The following LPIN2 variants were observed in gnomAD, a reference collection of about 807,000 sequenced individuals.
LPIN2 encodes the protein phosphatidate phosphatase LPIN2.
A neutral mutation model predicts 111.4 loss-of-function variants in LPIN2; 55 were observed. The ratio of observed to expected loss-of-function variants is 0.49; its 90% CI spans 0.40 to 0.62. LPIN2 has a LOEUF of 0.62. LPIN2 is among the 20% of genes least tolerant of loss of function. The pLI, the probability that LPIN2 is intolerant of heterozygous loss-of-function variation, is 0.00. For missense variants in LPIN2, 992 were observed against 1,112.1 expected, an observed-to-expected ratio of 0.89 and a Z score of 1.54; for synonymous variants, 425 against 414.0, an observed-to-expected ratio of 1.03 and a Z score of -0.32.
In LPIN2 at chr18:2,940,678, ATTC is replaced by A. The variant is rs749710348; in HGVS notation, c.622_624del (p.Glu208del). ...GAATGGAAGAGCAAAGGCTCTTTAC[ATTC>A]TTCTTCTTTCAAGGAAGCATTTGAA... On this transcript the variant is annotated inframe_deletion, in exon 5 of 20. Coordinates refer to ENST00000677752, the MANE Select transcript of LPIN2 (RefSeq NM_001375808.2). 1.1e-5 allele frequency: 18 copies of A among 1,613,246 alleles called. No individual in the cohort carries two copies. The East Asian group carries it at 2.9e-4, about 26-fold the overall frequency.
chr18:3,012,017 T>C (rs1470324536), intron 1 of LPIN2: 2 of 152,216 alleles, frequency 1.3e-5, no homozygotes, highest in African/African-American at 4.8e-5. Context: ...CACTAAATAA[T>C]TCGTAAATAT....
Position 2,925,107 on chromosome 18 carries a change from G to T in LPIN2, c.1938+117C>A. On this transcript the variant is annotated intron_variant, in intron 14 of 19. Coordinates refer to ENST00000677752, the MANE Select transcript of LPIN2 (RefSeq NM_001375808.2). This position sits in a 1 kb window ranked among gnomAD's most constrained non-coding sequence, Gnocchi z 4.1. ...TTCCACTGTGGATAGGCATTGACAC[G>T]ACCATGCCGTGTGGCGTGTATGCAG... 1.5e-6 allele frequency: 2 copies of T among 1,348,558 alleles called. No homozygotes were observed. 83.5% of individuals were successfully genotyped at this position (1,348,558 alleles called of 1,614,324 possible).
chr18:2,954,655 A>G (rs2077583209), intron 2 of LPIN2, 56 bp from the exon 3 acceptor site: 3 of 1,203,112 alleles, frequency 2.5e-6, no homozygotes, highest in African/African-American at 1.5e-5. Flanking sequence ...TTCAAGTTAA[A>G]CTAAACCAGA....
At position 2,919,797 on chromosome 18, in the gene LPIN2, A is replaced by C. The variant is rs2077026353; in HGVS notation, c.*496T>G. 1.4e-5 allele frequency: 3 copies of C among 207,624 alleles called. No individual in the cohort carries two copies. In the South Asian group the frequency reaches 2.4e-4, roughly 17 times the overall value. 12.9% of individuals were successfully genotyped at this position (207,624 alleles called of 1,614,324 possible). On this transcript the variant is annotated 3_prime_UTR_variant, in exon 20 of 20. Transcript: ENST00000677752. ...GACCCCTTCAGTGTAGCAGGAAATGAGGCGACCAGAGAAGAAACGTGCACA... is the reference window on the plus strand; with the variant it reads ...GACCCCTTCAGTGTAGCAGGAAATGCGGCGACCAGAGAAGAAACGTGCACA...
intron 1 of LPIN2, among the ~76,000 whole-genome samples, chr18:2,986,664 T>G (rs1046848554): frequency 3.3e-5 from 5 of 152,188 alleles, no homozygotes; most frequent in Non-Finnish European, 7.4e-5. Flanking sequence ...CATCGCAGTT[T>G]AAGGAGCTTA....
intron 1 of LPIN2, among the ~76,000 whole-genome samples, chr18:2,982,216 CA>C (rs1179226270): frequency 1.3e-5 from 2 of 152,116 alleles, no homozygotes; most frequent in African/African-American, 4.8e-5. Flanking sequence ...CTCATATATC[CA>C]AATACAACGT....
intron 4 of LPIN2, among the ~76,000 whole-genome samples, chr18:2,941,818 G>A (rs2077370449): frequency 6.6e-6 from 1 of 152,164 alleles, no homozygotes; most frequent in African/African-American, 2.4e-5. Flanking sequence ...CCAGCTACTT[G>A]GGAGGCTAAG....
chr18:2,956,064 A>G (rs1372990309), intron 2 of LPIN2, among the ~76,000 whole-genome samples: 1 of 149,394 alleles, frequency 6.7e-6, no homozygotes, highest in East Asian at 2.3e-4. Context: ...GACATATTTG[A>G]TATGTTACTC....
intron 4 of LPIN2, 28 bp downstream of exon 4, chr18:2,951,027 A>G: frequency 1.9e-6 from 3 of 1,613,424 alleles, no homozygotes; most frequent in Non-Finnish European, 2.5e-6. Flanking sequence ...GTACCCGCAC[A>G]AGACCCTTCC....
intron 5 of LPIN2, 48 bp from the exon 6 acceptor site, chr18:2,939,651 TCA>T: frequency 6.2e-7 from 1 of 1,604,070 alleles, no homozygotes; most frequent in Admixed American, 1.7e-5. Flanking sequence ...CGGGAAACCT[TCA>T]GTCTTGCTGA....
At chr18:3,000,280 G>C (rs748633457) in intron 1 of LPIN2, among the ~76,000 whole-genome samples, 2 of 152,082 alleles carry the variant, frequency 1.3e-5, no homozygotes, top group Non-Finnish European at 2.9e-5. Flanking sequence ...TTAAAGTACA[G>C]AAACAGGAGA....
rs188336097 is a variant in LPIN2, at chr18:2,924,284, A to G, written c.2087+114T>C. On this transcript the variant is annotated intron_variant, in intron 15 of 19. Transcript: ENST00000677752. The stretch of plus-strand genomic sequence containing the variant: ...ACGCCTCAGAGCATATGGCTTATAA[A>G]ATGCCTTGGCTGAGGGCTTCGAGCC... The G allele has an allele frequency of 8.5e-5, 114 of 1,348,950 alleles. No homozygotes were observed. The African/African-American group carries it at 1.6e-3, about 19-fold the overall frequency. The allele number at this position is 1,348,950 out of a possible 1,614,324, so 83.6% of individuals were successfully genotyped here.
At chr18:2,942,389 GA>G (rs1418137417) in intron 4 of LPIN2, among the ~76,000 whole-genome samples, 12 of 152,164 alleles carry the variant, frequency 7.9e-5, no homozygotes, top group Admixed American at 6.5e-4. Context: ...TGCCCACTCT[GA>G]AAGGACACAT....
chr18:2,996,495 T>TTTTTTTTTG (rs1383642994), intron 1 of LPIN2, among the ~76,000 whole-genome samples: 6 of 104,224 alleles, frequency 5.8e-5, no homozygotes, highest in African/African-American at 2.3e-4. Flanking sequence ...TTTTTTTTTT[T>TTTTTTTTTG]GAGACAGAGT....
At chr18:2,999,792 C>T (rs948481907) in intron 1 of LPIN2, among the ~76,000 whole-genome samples, 2 of 152,072 alleles carry the variant, frequency 1.3e-5, no homozygotes, top group African/African-American at 4.8e-5. Context: ...AATGAGAAAG[C>T]GCTCTTGGAA....
intron 2 of LPIN2, among the ~76,000 whole-genome samples, chr18:2,958,538 C>T: frequency 6.6e-6 from 1 of 152,100 alleles, no homozygotes; most frequent in Non-Finnish European, 1.5e-5. Flanking sequence ...TCAAAGTAGG[C>T]ATGATTTCAG....
chr18:2,951,859 C>T (rs539914587), intron 3 of LPIN2, among the ~76,000 whole-genome samples: 1 of 152,230 alleles, frequency 6.6e-6, no homozygotes, highest in South Asian at 2.1e-4. Flanking sequence ...TTATGTTTTG[C>T]CAAATTAATT....
At position 2,925,955 on chromosome 18, in the gene LPIN2, A is replaced by G. The variant is rs545520687; in HGVS notation, c.1794-587T>C. The stretch of plus-strand genomic sequence containing the variant: ...CAGGAGTTTGAGACCAGCCTGGGCA[A>G]CACAGCAAGACCCTGTCTCTACAAA... On this transcript the variant is annotated intron_variant, in intron 13 of 19. Transcript: ENST00000677752. The surrounding 1 kb of genome is among the most constrained non-coding windows in gnomAD (Gnocchi z 4.1). Among the ~76,000 whole-genome samples the G allele has an allele frequency of 8.5e-5, 13 of 152,268 alleles. No individual in the cohort carries two copies. The highest frequency in any genetic ancestry group is 2.6e-4 in the Admixed American group (4 of 15,294).
chr18:2,936,805 C>A (rs2077292375), intron 7 of LPIN2, among the ~76,000 whole-genome samples: 1 of 152,142 alleles, frequency 6.6e-6, no homozygotes, highest in South Asian at 2.1e-4. Flanking sequence ...ATCTCGAAAT[C>A]CTGAGCTCAA....
Sources: gnomAD v4.1 joint callset for allele counts (sites outside exome capture counted in the v4.1 genomes callset) on GRCh38, gnomAD v4.1.1 for gene constraint, Gnocchi (gnomAD v3.1) non-coding constraint, MANE v1.5 for transcripts, NCBI Gene and HGNC (gene_info 2026-07-23, HGNC 2026-07-21) for gene names.